NBEA: variants seen among roughly 807,000 people sequenced by gnomAD.
The protein encoded by NBEA is lysosomal-trafficking regulator 2.
A neutral mutation model predicts 343.4 loss-of-function variants in NBEA; 44 were observed. The ratio of observed to expected loss-of-function variants is 0.13; its 90% CI spans 0.10 to 0.16. The LOEUF is 0.16. NBEA is among the 10% of genes least tolerant of loss of function. NBEA has a pLI of 1.00. For missense variants in NBEA, 2,555 were observed against 3,631.3 expected (o/e 0.70, Z 7.62); for synonymous variants, 1,175 against 1,238.7 (o/e 0.95, Z 1.08).
At chr13:35,443,881 T>G (rs2152939030) in intron 39 of NBEA, among the ~76,000 whole-genome samples, 1 of 152,034 alleles carries the variant, frequency 6.6e-6, no homozygotes. Context: ...ATAAAGAAGA[T>G]GATTTAATTT....
chr13:35,075,302 G>A (rs753647621), intron 10 of NBEA, among the ~76,000 whole-genome samples: 2 of 152,042 alleles, frequency 1.3e-5, no homozygotes, highest in Non-Finnish European at 2.9e-5. Flanking sequence ...CATAGCATCT[G>A]GCATTTAATG....
intron 1 of NBEA, among the ~76,000 whole-genome samples, chr13:35,012,477 C>T (rs1593459297): frequency 2.0e-5 from 3 of 152,216 alleles, no homozygotes; most frequent in Non-Finnish European, 2.9e-5. Context: ...CAAGCCATAC[C>T]AAGTAAATAG....
chr13:35,109,740 A>C (rs2066093060), intron 12 of NBEA, among the ~76,000 whole-genome samples: 2 of 152,144 alleles, frequency 1.3e-5, no homozygotes, highest in South Asian at 4.1e-4. Context: ...GAAAGAGAAC[A>C]GATAACTAAT....
In NBEA at chr13:35,159,224, A is replaced by G. The variant is rs776910351; in HGVS notation, c.3053A>G (p.Tyr1018Cys). 1 of 1,613,598 alleles carries G rather than the reference A, an allele frequency of 6.2e-7. No individual in the cohort carries two copies. Among genetic ancestry groups the G allele is most frequent in the East Asian group, 2.2e-5 (1 of 44,858 alleles). The change falls in exon 22 of 59, where the codon TAC (tyrosine) becomes TGC (cysteine). Residue 1018 changes from tyrosine to cysteine, a missense_variant. Around this residue, in one of 21 missense-constraint regions of NBEA, gnomAD observed 367 missense variants for 377.5 expected, o/e 0.97. Coordinates refer to ENST00000379939, the MANE Select transcript of NBEA (RefSeq NM_001385012.1). ...QSQSPESETD[Y>C]PVSTDTRDLL... ...CAGAGCCCAGAAAGTGAGACCGATT[A>G]CCCTGTCAGCACAGATACTCGAGAC...
intron 18 of NBEA, among the ~76,000 whole-genome samples, chr13:35,150,234 A>T (rs907753325): frequency 1.3e-5 from 2 of 152,260 alleles, no homozygotes; most frequent in Admixed American, 6.5e-5. Flanking sequence ...ATGAATGCAT[A>T]TTCTAAAAAG....
At chr13:35,014,231 C>T (rs2061577297) in intron 1 of NBEA, among the ~76,000 whole-genome samples, 1 of 152,116 alleles carries the variant, frequency 6.6e-6, no homozygotes, top group Non-Finnish European at 1.5e-5. Context: ...TTTTATTTCT[C>T]TCAAACAAGT....
rs137981336 is a variant in NBEA, at chr13:35,496,227, C to G, written c.6585+23691C>G. Among the ~76,000 whole-genome samples, 345 of 152,066 alleles carry G rather than the reference C, an allele frequency of 2.3e-3. 2 individuals carry two copies. The highest frequency in any genetic ancestry group is 5.1e-3 in the African/African-American group (212 of 41,504). On this transcript the variant is annotated intron_variant, in intron 41 of 58. Coordinates refer to ENST00000379939, the MANE Select transcript of NBEA (RefSeq NM_001385012.1). The stretch of plus-strand genomic sequence containing the variant: ...CACAAACTCCTGGGTTTAAGGGATC[C>G]TCCCACCTCAGCCTCCCAAGTAGTT...
intron 34 of NBEA, among the ~76,000 whole-genome samples, chr13:35,267,315 C>T (rs1219440863): frequency 6.6e-6 from 1 of 151,870 alleles, no homozygotes; most frequent in Non-Finnish European, 1.5e-5. Context: ...TGCTAATTAG[C>T]TAGATTTAGT....
intron 1 of NBEA, among the ~76,000 whole-genome samples, chr13:34,978,404 T>G (rs913440680): frequency 1.3e-5 from 2 of 151,866 alleles, no homozygotes; most frequent in Non-Finnish European, 2.9e-5. Context: ...TCCATCGATC[T>G]GTCTATTTTT....
At chr13:35,242,191 T>C (rs751585719) in intron 34 of NBEA, among the ~76,000 whole-genome samples, 14 of 151,806 alleles carry the variant, frequency 9.2e-5, no homozygotes, top group Non-Finnish European at 1.5e-4. Flanking sequence ...AAAGGTTTTA[T>C]GAACACAAGG....
chr13:35,106,364 C>A (rs2065917836), intron 11 of NBEA, among the ~76,000 whole-genome samples: 1 of 151,926 alleles, frequency 6.6e-6, no homozygotes, highest in Admixed American at 6.6e-5. Flanking sequence ...GATCTTCTTT[C>A]TTCTTTTCCC....
chr13:35,068,559 C>G (rs1316895113), intron 8 of NBEA, among the ~76,000 whole-genome samples: 1 of 151,480 alleles, frequency 6.6e-6, no homozygotes, highest in African/African-American at 2.4e-5. Flanking sequence ...TAACACTACC[C>G]TCCTCATTCA....
At chr13:34,981,646 T>C (rs543753856) in intron 1 of NBEA, among the ~76,000 whole-genome samples, 1 of 152,308 alleles carries the variant, frequency 6.6e-6, no homozygotes, top group East Asian at 1.9e-4. Flanking sequence ...TTTATTTCCT[T>C]ATAATGTCCT....
intron 47 of NBEA, among the ~76,000 whole-genome samples, chr13:35,593,872 A>G (rs1422236062): frequency 6.6e-6 from 1 of 152,102 alleles, no homozygotes; most frequent in Non-Finnish European, 1.5e-5. Context: ...GACAAGACCC[A>G]TTTAAAATGT....
At chr13:35,212,375 G>A (rs1230015308) in intron 33 of NBEA, among the ~76,000 whole-genome samples, 1 of 151,716 alleles carries the variant, frequency 6.6e-6, no homozygotes, top group Non-Finnish European at 1.5e-5. Context: ...TTATTTATGT[G>A]TCTATACCAT....
intron 41 of NBEA, among the ~76,000 whole-genome samples, chr13:35,488,643 A>G (rs1270326417): frequency 6.6e-6 from 1 of 151,966 alleles, no homozygotes; most frequent in Admixed American, 6.6e-5. Flanking sequence ...TTTGACAATA[A>G]CAAGAGTTTC....
chr13:35,277,664 T>TA (rs202226794), intron 34 of NBEA, among the ~76,000 whole-genome samples: 3,361 of 116,032 alleles, frequency 0.029, 162 homozygotes, highest in African/African-American at 0.1. Context: ...GGAAACAACA[T>TA]ATGTATGCAA....
intron 41 of NBEA, among the ~76,000 whole-genome samples, chr13:35,484,362 C>T (rs2076236038): frequency 6.7e-6 from 1 of 149,580 alleles, no homozygotes; most frequent in Non-Finnish European, 1.5e-5. Context: ...TTTTTTGCAA[C>T]CTTAACCTGC....
rs531878024 is a variant in NBEA at position 35,342,788 on chromosome 13, G to A, written c.5904-6320G>A. Among the ~76,000 whole-genome samples the A allele has an allele frequency of 9.0e-4, 137 of 151,942 alleles. 1 individual carries two copies. Among genetic ancestry groups the A allele is most frequent in the Non-Finnish European group, 1.5e-3 (99 of 67,924 alleles). On this transcript the variant is annotated intron_variant, in intron 36 of 58. Coordinates refer to ENST00000379939, the MANE Select transcript of NBEA (RefSeq NM_001385012.1). ...AGAATAAATACATTTCCAATCAGTAGGGAGTAAAAAAGATGGAATTAAAAC... is the reference window on the plus strand; with the variant it reads ...AGAATAAATACATTTCCAATCAGTAAGGAGTAAAAAAGATGGAATTAAAAC...
Sources: allele counts gnomAD v4.1 joint callset (sites outside exome capture counted in the v4.1 genomes callset), GRCh38; gene constraint gnomAD v4.1.1; regional missense constraint gnomAD v4.1.1; transcripts MANE v1.5; gene names NCBI Gene and HGNC (gene_info 2026-07-23, HGNC 2026-07-21).